Variants in SLF1 observed in about 807,000 individuals in gnomAD.
SLF1 encodes SMC5/6 complex localization factor 1.
A neutral mutation model predicts 123.0 loss-of-function variants in SLF1; 105 were observed. The ratio of observed to expected loss-of-function variants is 0.85; its 90% CI spans 0.73 to 1.00. The LOEUF is 1.00. Among genes scored for constraint, SLF1 ranks in the 50% least tolerant of loss-of-function variants. The probability of loss-of-function intolerance (pLI) is 0.00; values close to 1 mark genes in which losing one functional copy is unlikely to be tolerated. For missense variants in SLF1, 1,239 were observed against 1,223.0 expected (o/e 1.01, Z -0.20); for synonymous variants, 434 against 406.6 (o/e 1.07, Z -0.81).
intron 14 of SLF1, among the ~76,000 whole-genome samples, chr5:94,672,047 G>T (rs1204994318): frequency 6.6e-6 from 1 of 151,936 alleles, no homozygotes; most frequent in East Asian, 1.9e-4. Flanking sequence ...TGTTTTTTCT[G>T]TTGGATTGGA....
In SLF1 at chr5:94,643,374, A is replaced by G; in HGVS notation, c.533A>G (p.Glu178Gly). 1 of 1,543,760 alleles carries G rather than the reference A, an allele frequency of 6.5e-7. No homozygotes were observed. The change falls in exon 5 of 21, where the codon GAA becomes GGA. Residue 178 changes from glutamate (E) to glycine (G), a missense_variant. Coordinates refer to ENST00000265140, the MANE Select transcript of SLF1 (RefSeq NM_032290.4). ...ASNARIKAEK[E>G]KDNFKAPFYP... ...AATGCAAGAATTAAAGCTGAGAAAGAAAAAGATAACTTTAAGGCTCCATTT... is the reference window on the plus strand; with the variant it reads ...AATGCAAGAATTAAAGCTGAGAAAGGAAAAGATAACTTTAAGGCTCCATTT...
At chr5:94,626,944 A>G (rs1013092167) in intron 1 of SLF1, among the ~76,000 whole-genome samples, 2 of 152,244 alleles carry the variant, frequency 1.3e-5, no homozygotes, top group African/African-American at 4.8e-5. Flanking sequence ...CTCCTCTTCA[A>G]AACTATAAGC....
At chr5:94,682,439 G>C (rs576594340) in intron 15 of SLF1, among the ~76,000 whole-genome samples, 3 of 151,988 alleles carry the variant, frequency 2.0e-5, no homozygotes, top group Non-Finnish European at 4.4e-5. Flanking sequence ...CATTAGTAAA[G>C]ATGTTCTAAT....
Position 94,663,840 on chromosome 5 carries a change from T to A in SLF1, c.1300T>A (p.Ser434Thr), listed in dbSNP as rs1585179694. 11 of 1,550,896 alleles carry A rather than the reference T, an allele frequency of 7.1e-6. No individual in the cohort carries two copies. Among genetic ancestry groups the A allele is most frequent in the Admixed American group, 3.9e-5 (2 of 50,918 alleles). ...TTTTAAAGAAGCAATTGAGGAACTT[T>A]CCACTTTGCAGGCACATTATATCCC... is the stretch of plus-strand genomic sequence containing the variant. ...HFFKEAIEEL[S>T]TLQAHYIPPV... is the part of the protein sequence containing the mutation. The change falls in exon 11 of 21, where the codon TCC (serine) becomes ACC (threonine). Residue 434 changes from serine to threonine, a missense_variant. Coordinates refer to ENST00000265140, the MANE Select transcript of SLF1 (RefSeq NM_032290.4).
intron 4 of SLF1, among the ~76,000 whole-genome samples, chr5:94,641,842 T>C (rs980353900): frequency 3.3e-5 from 5 of 152,340 alleles, no homozygotes; most frequent in African/African-American, 1.2e-4. Context: ...AGCTAAATTC[T>C]GCCTTGTACA....
chr5:94,619,138 G>C (rs1490975049), intron 1 of SLF1, among the ~76,000 whole-genome samples: 1 of 152,142 alleles, frequency 6.6e-6, no homozygotes, highest in Non-Finnish European at 1.5e-5. Flanking sequence ...CGCGTCTCTC[G>C]TTTCCATAGA....
At chr5:94,689,722 C>A in intron 18 of SLF1, 116 bp downstream of exon 18, 2 of 839,872 alleles carry the variant, frequency 2.4e-6, no homozygotes, top group Non-Finnish European at 3.6e-6. Flanking sequence ...TGGACTAGGT[C>A]CAGGAAGTAC....
At chr5:94,660,457 T>C (rs1199193827) in intron 9 of SLF1, among the ~76,000 whole-genome samples, 1 of 152,170 alleles carries the variant, frequency 6.6e-6, no homozygotes, top group African/African-American at 2.4e-5. Context: ...TCCCTGGCAG[T>C]GCACTTGGGC....
chr5:94,686,978 G>A (rs1326129194), intron 16 of SLF1, among the ~76,000 whole-genome samples: 8 of 151,908 alleles, frequency 5.3e-5, no homozygotes, highest in Admixed American at 1.3e-4. Flanking sequence ...TAGTAGAGAC[G>A]GGGTCTCGAT....
At chr5:94,624,504 G>T (rs1431749824) in intron 1 of SLF1, among the ~76,000 whole-genome samples, 1 of 152,072 alleles carries the variant, frequency 6.6e-6, no homozygotes, top group Non-Finnish European at 1.5e-5. Context: ...ATTTATACAT[G>T]AAACCAAAAT....
rs202077147 is a variant in SLF1, at chr5:94,691,603, T to C, written c.2459T>C (p.Val820Ala). ...ALHRACINNQ[V>A]EKLILLLSLP... ...CATAGAGCTTGCATAAATAACCAAG[T>C]GGAGAAATTGATTCTTCTTCTCTCT... The change falls in exon 19 of 21, where the codon GTG becomes GCG. Residue 820 changes from valine to alanine, a missense_variant. Val to Ala is a moderately conservative substitution (Grantham distance 64, BLOSUM62 0). Transcript: ENST00000265140. 33 of 1,611,398 alleles carry C rather than the reference T, an allele frequency of 2.0e-5. No individual in the cohort carries two copies. In the East Asian group the frequency reaches 7.1e-4, roughly 35 times the overall value.
Position 94,643,334 on chromosome 5 carries a change from C to T in SLF1, c.493C>T (p.His165Tyr). 1.9e-6 allele frequency: 3 copies of T among 1,544,886 alleles called. No homozygotes were observed. The highest frequency in any genetic ancestry group is 2.6e-6 in the Non-Finnish European group (3 of 1,143,808). Residue 165 changes from histidine (H) to tyrosine (Y), a missense_variant, in exon 5 of 21, where the codon CAT (histidine) becomes TAT (tyrosine). His to Tyr is a moderately conservative substitution (Grantham distance 83, BLOSUM62 2). Transcript: ENST00000265140. ...AAAAAGTTCACCAAGTGGAATAACT[C>T]ATGTGATTGCCAGTAATGCAAGAAT... is the stretch of plus-strand genomic sequence containing the variant. ...LPKSSPSGIT[H>Y]VIASNARIKA... is the part of the protein sequence containing the mutation.
rs926834543 is a variant in SLF1 at position 94,696,383 on chromosome 5, T to G, written c.*1071T>G. 1 of 151,888 alleles carries G rather than the reference T, an allele frequency of 6.6e-6. No homozygotes were observed. The highest frequency in any genetic ancestry group is 2.4e-5 in the African/African-American group (1 of 41,424). The allele number at this position is 151,888 out of a possible 1,614,324, so 9.4% of individuals were successfully genotyped here. ...CAAGATACAAATGCTCAGTATCATATTACTGGGTTTGTAATCTAAATTGAA... is the reference window on the plus strand; with the variant it reads ...CAAGATACAAATGCTCAGTATCATAGTACTGGGTTTGTAATCTAAATTGAA... On this transcript the variant is annotated 3_prime_UTR_variant, in exon 21 of 21. Transcript: ENST00000265140.
At chr5:94,680,138 G>A (rs146385141) in intron 15 of SLF1, among the ~76,000 whole-genome samples, 22 of 152,178 alleles carry the variant, frequency 1.4e-4, no homozygotes, top group African/African-American at 5.3e-4. Flanking sequence ...AAATTCTTCA[G>A]TATGCCATCA....
At chr5:94,627,772 A>C (rs956447400) in intron 1 of SLF1, among the ~76,000 whole-genome samples, 1 of 151,164 alleles carries the variant, frequency 6.6e-6, no homozygotes, top group African/African-American at 2.4e-5. Context: ...GTCTCTGTGG[A>C]GTATAAAATC....
chr5:94,628,111 G>A (rs561296954), intron 1 of SLF1, among the ~76,000 whole-genome samples: 33 of 151,956 alleles, frequency 2.2e-4, no homozygotes, highest in African/African-American at 7.0e-4. Context: ...GATTACAGGC[G>A]TGAGCCACCG....
intron 12 of SLF1, among the ~76,000 whole-genome samples, chr5:94,669,945 A>G (rs1044408506): frequency 4.6e-5 from 7 of 151,814 alleles, no homozygotes; most frequent in Admixed American, 1.3e-4. Context: ...AATTAGATCT[A>G]TTTATTAAGA....
chr5:94,678,492 G>A (rs981874202), intron 14 of SLF1: 1 of 174,510 alleles, frequency 5.7e-6, no homozygotes, highest in African/African-American at 2.4e-5. Context: ...ACAAAAACCA[G>A]GTATTTTCTC....
At chr5:94,618,656 C>A (rs563560492), upstream of SLF1, 120 of 154,762 alleles carry the variant, frequency 7.8e-4, no homozygotes, top group South Asian at 0.016. Flanking sequence ...TAGCGCGCGG[C>A]GGGAAATTGT....
Sources: allele counts gnomAD v4.1 joint callset (sites outside exome capture counted in the v4.1 genomes callset), GRCh38; gene constraint gnomAD v4.1.1; transcripts MANE v1.5; gene names NCBI Gene and HGNC (gene_info 2026-07-23, HGNC 2026-07-21).